Variants in PHOX2A observed in about 807,000 individuals in gnomAD.
PHOX2A encodes the protein paired mesoderm homeobox protein 2A.
A neutral mutation model predicts 16.4 loss-of-function variants in PHOX2A; 10 were observed. The observed-to-expected ratio is 0.61, with a 90% CI of 0.38 to 1.04. The LOEUF (loss-of-function observed/expected upper bound fraction) is 1.04, where lower values mean the gene tolerates loss of function less well. PHOX2A is among the 50% of genes least tolerant of loss of function. The probability of loss-of-function intolerance (pLI) is 0.01; values close to 1 mark genes in which losing one functional copy is unlikely to be tolerated. For missense variants in PHOX2A, 361 were observed against 419.4 expected (o/e 0.86, Z 1.22); for synonymous variants, 219 against 203.8 (o/e 1.07, Z -0.64).
intron 2 of PHOX2A, among the ~76,000 whole-genome samples, chr11:72,240,676 T>C (rs966974374): frequency 2.6e-5 from 4 of 152,216 alleles, no homozygotes; most frequent in African/African-American, 9.6e-5. Context: ...AGCCCGGCTC[T>C]CTTCGGCCCT....
At chr11:72,243,283 G>T (rs1248476769) in intron 1 of PHOX2A, among the ~76,000 whole-genome samples, 1 of 152,192 alleles carries the variant, frequency 6.6e-6, no homozygotes, top group Non-Finnish European at 1.5e-5. Context: ...GGCAGCGTGG[G>T]TCCAAGACAG....
chr11:72,242,231 C>A (rs1949128298), intron 1 of PHOX2A, among the ~76,000 whole-genome samples: 1 of 152,136 alleles, frequency 6.6e-6, no homozygotes, highest in Non-Finnish European at 1.5e-5. Context: ...CTGTCTGTAA[C>A]CCTGGTTTAA....
Position 72,239,340 on chromosome 11 carries a change from G to A in PHOX2A, c.*409C>T, listed in dbSNP as rs1247067544. 1 of 159,938 alleles carries A rather than the reference G, an allele frequency of 6.3e-6. No individual in the cohort carries two copies. The highest frequency in any genetic ancestry group is 1.4e-5 in the Non-Finnish European group (1 of 73,468). 9.9% of individuals were successfully genotyped at this position (159,938 alleles called of 1,614,324 possible). On this transcript the variant is annotated 3_prime_UTR_variant, in exon 3 of 3. Transcript: ENST00000298231. ...TCTGTACGGGTGGGCCCGAGGGGTG[G>A]GGCAGCGGGCTTTCCTGATCACCAG...
chr11:72,241,760 C>T (rs1949124529), intron 1 of PHOX2A, among the ~76,000 whole-genome samples: 1 of 151,828 alleles, frequency 6.6e-6, no homozygotes, highest in Non-Finnish European at 1.5e-5. Flanking sequence ...CAGTTCTGGG[C>T]CAAGGCTCTG....
intron 1 of PHOX2A, among the ~76,000 whole-genome samples, chr11:72,243,317 G>A (rs1483932182): frequency 6.6e-6 from 1 of 152,170 alleles, no homozygotes; most frequent in Non-Finnish European, 1.5e-5. Flanking sequence ...TGATGGCCAC[G>A]CGAGCTCTAG....
intron 2 of PHOX2A, 86 bp downstream of exon 2, chr11:72,241,016 G>A: frequency 1.4e-6 from 2 of 1,419,204 alleles, no homozygotes; most frequent in South Asian, 1.2e-5. Flanking sequence ...GCATCTGCCT[G>A]TATTCCCCTA....
In PHOX2A at chr11:72,241,082, A is replaced by G; in HGVS notation, c.405+20T>C. On this transcript the variant is annotated intron_variant, in intron 2 of 2. Coordinates refer to ENST00000298231, the MANE Select transcript of PHOX2A (RefSeq NM_005169.4). ...CCTCCTTCCATGCGCACTCTCGTAC[A>G]CACACGTGCATACACGCACCTGCAC... is the stretch of plus-strand genomic sequence containing the variant. 6.2e-7 allele frequency: 1 copy of G among 1,611,478 alleles called. No homozygotes were observed. The highest frequency in any genetic ancestry group is 1.1e-5 in the South Asian group (1 of 91,020).
In PHOX2A at chr11:72,241,261, G is replaced by T; in HGVS notation, c.246C>A (p.Ser82=). 1 of 1,608,322 alleles carries T rather than the reference G, an allele frequency of 6.2e-7. No individual in the cohort carries two copies. The highest frequency in any genetic ancestry group is 1.1e-5 in the South Asian group (1 of 90,826). ...AVPYKFFPEP[S]GLHEKRKQRR... is the part of the protein sequence containing the mutation. ...GCTGCTTGCGCTTCTCGTGCAGGCC[G>T]GATGGCTCTGGGAAGAACTTGTAGG... The change falls in exon 2 of 3, where the codon TCC becomes TCA. Residue 82 remains serine (S), a synonymous_variant. Coordinates refer to ENST00000298231, the MANE Select transcript of PHOX2A (RefSeq NM_005169.4).
intron 1 of PHOX2A, among the ~76,000 whole-genome samples, chr11:72,242,226 T>C (rs938724324): frequency 6.6e-6 from 1 of 152,136 alleles, no homozygotes; most frequent in Non-Finnish European, 1.5e-5. Flanking sequence ...CTTCCCTGTC[T>C]GTAACCCTGG....
chr11:72,242,823 A>AT (rs33910008), intron 1 of PHOX2A, among the ~76,000 whole-genome samples: 9,301 of 146,416 alleles, frequency 0.064, 341 homozygotes, highest in East Asian at 0.12. Flanking sequence ...TGCCCAGCTA[A>AT]TTTTTTTTTT....
rs145786343 is a variant in PHOX2A at position 72,240,991 on chromosome 11, C to G, written c.405+111G>C. The G allele has an allele frequency of 9.2e-4, 1,120 of 1,212,552 alleles. 10 individuals are homozygous for G. In the African/African-American group the frequency reaches 0.015, roughly 16 times the overall value. The allele number at this position is 1,212,552 out of a possible 1,614,324, so 75.1% of individuals were successfully genotyped here. A position where few individuals can be genotyped will look rare whatever the true frequency, so the allele number is the denominator to read the frequency against. The stretch of plus-strand genomic sequence containing the variant: ...GCTGCCCAAGCACCCTGGGACCGCG[C>G]CCTGCCTTCGGGCTGCATCTGCCTG... On this transcript the variant is annotated intron_variant, in intron 2 of 2. Coordinates refer to ENST00000298231, the MANE Select transcript of PHOX2A (RefSeq NM_005169.4).
chr11:72,239,884 G>T lies in PHOX2A; in HGVS notation c.720C>A (p.Gly240=), dbSNP rs987576296. ...ALWAGVAGGG[G]GGPGAGAAEL... ...CGGCCGCTCCCGCGCCAGGCCCGCCGCCCCCACCGCCCGCCACACCGGCCC... is the reference window on the plus strand; with the variant it reads ...CGGCCGCTCCCGCGCCAGGCCCGCCTCCCCCACCGCCCGCCACACCGGCCC... Residue 240 remains glycine, a synonymous_variant, in exon 3 of 3, where the codon GGC becomes GGA. Transcript: ENST00000298231. 7.4e-7 allele frequency: 1 copy of T among 1,353,284 alleles called. No homozygotes were observed. The highest frequency in any genetic ancestry group is 1.9e-5 in the South Asian group (1 of 52,144). The allele number at this position is 1,353,284 out of a possible 1,614,324, so 83.8% of individuals were successfully genotyped here. A position where few individuals can be genotyped will look rare whatever the true frequency, so the allele number is the denominator to read the frequency against.
At chr11:72,241,842 C>T (rs1231101933) in intron 1 of PHOX2A, among the ~76,000 whole-genome samples, 1 of 151,750 alleles carries the variant, frequency 6.6e-6, no homozygotes, top group Admixed American at 6.6e-5. Context: ...CAGCTGTATA[C>T]AGATTTGGCT....
chr11:72,242,290 G>T (rs1451586837), intron 1 of PHOX2A, among the ~76,000 whole-genome samples: 5 of 151,748 alleles, frequency 3.3e-5, no homozygotes, highest in Non-Finnish European at 7.4e-5. Flanking sequence ...TCCCATCCAG[G>T]CCTCCATCTC....
At chr11:72,240,710 C>T (rs1175090777) in intron 2 of PHOX2A, among the ~76,000 whole-genome samples, 8 of 152,212 alleles carry the variant, frequency 5.3e-5, no homozygotes, top group Admixed American at 2.0e-4. Flanking sequence ...ACTCAGCCTC[C>T]CGGGCTCCGG....
At position 72,239,871 on chromosome 11, in the gene PHOX2A, C is replaced by A; in HGVS notation, c.733G>T (p.Ala245Ser). 1 of 1,367,054 alleles carries A rather than the reference C, an allele frequency of 7.3e-7. No individual in the cohort carries two copies. The highest frequency in any genetic ancestry group is 1.8e-5 in the South Asian group (1 of 54,880). 84.7% of individuals were successfully genotyped at this position (1,367,054 alleles called of 1,614,324 possible). The change falls in exon 3 of 3, where the codon GCG becomes TCG. Residue 245 changes from alanine to serine, a missense_variant. Physicochemically the swap from Ala to Ser is moderately conservative, Grantham distance 99. This residue lies in a region of PHOX2A where 55 missense variants were observed against 101.6 expected (regional missense o/e 0.54). Transcript: ENST00000298231. ...VAGGGGGGPGAGAAELLKAWQ... is the reference protein window; with the variant it reads ...VAGGGGGGPGSGAAELLKAWQ... ...GCCTTAAGTAGTTCGGCCGCTCCCG[C>A]GCCAGGCCCGCCGCCCCCACCGCCC...
Position 72,239,986 on chromosome 11 carries a change from G to A in PHOX2A, c.618C>T (p.Ser206=), listed in dbSNP as rs1215277935. ...CCAGTGCGACGGGCAGCGGGCTGGG[G>A]CTCAGGCGCGGGCTGGCCAGGCCGG... is the stretch of plus-strand genomic sequence containing the variant. The part of the protein sequence containing the change: ...PAPGLASPRL[S]PSPLPVALGS... The change falls in exon 3 of 3, where the codon AGC becomes AGT. Residue 206 remains serine (S), a synonymous_variant. Transcript: ENST00000298231. The A allele has an allele frequency of 7.4e-7, 1 of 1,357,974 alleles. No individual in the cohort carries two copies. The allele number at this position is 1,357,974 out of a possible 1,614,324, so 84.1% of individuals were successfully genotyped here.
chr11:72,243,430 G>A (rs113560811), intron 1 of PHOX2A, among the ~76,000 whole-genome samples: 86 of 152,272 alleles, frequency 5.6e-4, no homozygotes, highest in African/African-American at 1.9e-3. Context: ...AGTGGTGATA[G>A]GGCTGGGCTG....
chr11:72,243,129 A>C (rs760493393), intron 1 of PHOX2A, among the ~76,000 whole-genome samples: 2 of 152,188 alleles, frequency 1.3e-5, no homozygotes, highest in Non-Finnish European at 2.9e-5. Context: ...AGTCTTGGGG[A>C]TGCAGGAGCT....
Sources: gnomAD v4.1 joint callset for allele counts (sites outside exome capture counted in the v4.1 genomes callset) on GRCh38, gnomAD v4.1.1 for gene constraint, gnomAD v4.1.1 regional missense constraint, MANE v1.5 for transcripts, NCBI Gene and HGNC (gene_info 2026-07-23, HGNC 2026-07-21) for gene names.